The following KMT2E variants were observed in gnomAD, a reference collection of about 807,000 sequenced individuals.
KMT2E encodes the protein lysine methyltransferase 2E (inactive).
In KMT2E, 30 loss-of-function variants were observed where a neutral mutation model predicts 184.6. The ratio of observed to expected loss-of-function variants is 0.16; its 90% CI spans 0.12 to 0.22. KMT2E has a LOEUF of 0.22. Among genes scored for constraint, KMT2E ranks in the 10% least tolerant of loss-of-function variants. The pLI is 1.00. For missense variants in KMT2E, 2,023 were observed against 2,237.4 expected, an observed-to-expected ratio of 0.90 and a Z score of 1.93; for synonymous variants, 815 against 776.5, an observed-to-expected ratio of 1.05 and a Z score of -0.82.
At chr7:105,039,360 A>C (rs554594043) in intron 2 of KMT2E, 95 of 152,352 alleles carry the variant, frequency 6.2e-4, no homozygotes, top group African/African-American at 2.3e-3. Flanking sequence ...AATATCACTC[A>C]GTACTTAAAA....
chr7:105,027,188 C>G (rs192036762), intron 1 of KMT2E, among the ~76,000 whole-genome samples: 1 of 148,644 alleles, frequency 6.7e-6, no homozygotes, highest in Non-Finnish European at 1.5e-5. Flanking sequence ...CTCAAGTGAT[C>G]CTCCCACCTC....
At position 105,090,100 on chromosome 7, in the gene KMT2E, G is replaced by A. The variant is rs368958000; in HGVS notation, c.1450G>A (p.Gly484Ser). The A allele has an allele frequency of 1.9e-6, 3 of 1,613,558 alleles. No individual in the cohort carries two copies. The highest frequency in any genetic ancestry group is 2.5e-6 in the Non-Finnish European group (3 of 1,179,842). The part of the protein sequence containing the change: ...SSESMENINS[G>S]YETRRKKGKK... ...TGAATCCATGGAAAATATCAATAGTGGTTATGAGACCAGACGGAAAAAAGG... is the reference window on the plus strand; with the variant it reads ...TGAATCCATGGAAAATATCAATAGTAGTTATGAGACCAGACGGAAAAAAGG... The change falls in exon 14 of 27, where the codon GGT becomes AGT. Residue 484 changes from glycine to serine, a missense_variant. Transcript: ENST00000311117.
intron 3 of KMT2E, among the ~76,000 whole-genome samples, chr7:105,051,160 T>C (rs112504219): frequency 0.042 from 6,300 of 150,258 alleles, 466 homozygotes; most frequent in African/African-American, 0.15. Flanking sequence ...TTCCTCCCTT[T>C]CTTCCTTCCT....
intron 13 of KMT2E, among the ~76,000 whole-genome samples, chr7:105,082,629 A>G (rs1407510377): frequency 6.6e-6 from 1 of 152,132 alleles, no homozygotes; most frequent in Non-Finnish European, 1.5e-5. Flanking sequence ...CAGGGGTGAC[A>G]GAGGGAGAAG....
chr7:105,050,333 T>TA (rs1477083941), intron 3 of KMT2E, among the ~76,000 whole-genome samples: 1 of 152,244 alleles, frequency 6.6e-6, no homozygotes, highest in Non-Finnish European at 1.5e-5. Context: ...AACTAACCAC[T>TA]ATTGGTCATT....
rs138269472 is a variant in KMT2E at position 105,097,865 on chromosome 7, TGTGA to T, written c.1723-3556_1723-3553del. 2.8e-4 allele frequency among the ~76,000 whole-genome samples: 43 copies of T among 152,288 alleles called. No individual in the cohort carries two copies. In the East Asian group the frequency reaches 8.1e-3, roughly 29 times the overall value. ...ATGGTTCTTACTCATTTAAAAACAATGTGAGTGCTTGCCATTTGAGATATCGGAT... is the reference window on the plus strand; with the variant it reads ...ATGGTTCTTACTCATTTAAAAACAATGTGCTTGCCATTTGAGATATCGGAT... On this transcript the variant is annotated intron_variant, in intron 15 of 26. Coordinates refer to ENST00000311117, the MANE Select transcript of KMT2E (RefSeq NM_182931.3).
chr7:105,109,109 T>C lies in KMT2E; in HGVS notation c.3636T>C (p.Thr1212=). ...SNDNGEQVDH[T]ASLPLPTPAT... ...ACAATGGGGAGCAGGTGGACCACACTGCTAGCCTACCTTTACCAACACCAG... is the reference window on the plus strand; with the variant it reads ...ACAATGGGGAGCAGGTGGACCACACCGCTAGCCTACCTTTACCAACACCAG... Residue 1212 remains threonine (T), a synonymous_variant, in exon 23 of 27, where the codon ACT becomes ACC. Transcript: ENST00000311117. 1 of 1,614,176 alleles carries C rather than the reference T, an allele frequency of 6.2e-7. No homozygotes were observed. The highest frequency in any genetic ancestry group is 1.7e-5 in the Admixed American group (1 of 60,028).
chr7:105,075,907 C>T, intron 8 of KMT2E, 136 bp from the exon 9 acceptor site: 1 of 659,902 alleles, frequency 1.5e-6, no homozygotes, highest in South Asian at 1.7e-5. Flanking sequence ...AAACATTCTC[C>T]TAGTGTCAGC....
chr7:105,050,183 A>G (rs1445620589), intron 3 of KMT2E, among the ~76,000 whole-genome samples: 3 of 152,190 alleles, frequency 2.0e-5, no homozygotes, highest in Admixed American at 1.3e-4. Flanking sequence ...GCACAACACT[A>G]CTATAACCTC....
intron 3 of KMT2E, among the ~76,000 whole-genome samples, chr7:105,060,627 A>G (rs1375411493): frequency 2.6e-5 from 4 of 151,896 alleles, no homozygotes; most frequent in Non-Finnish European, 5.9e-5. Flanking sequence ...CTGTAGAGAA[A>G]GTCTTGCTAT....
chr7:105,040,483 A>G (rs1374122863), intron 2 of KMT2E, among the ~76,000 whole-genome samples: 1 of 152,214 alleles, frequency 6.6e-6, no homozygotes. Context: ...GTAAGTACTC[A>G]GTATTTGGTA....
intron 17 of KMT2E, chr7:105,104,482 G>A (rs1798805227): frequency 6.6e-6 from 1 of 152,220 alleles, no homozygotes; most frequent in Non-Finnish European, 1.5e-5. Flanking sequence ...GAGCCCAGGA[G>A]TTCAAAACCA....
At chr7:105,077,535 T>G (rs1797582321) in intron 11 of KMT2E, 102 bp downstream of exon 11, 1 of 870,490 alleles carries the variant, frequency 1.1e-6, no homozygotes, top group Non-Finnish European at 1.8e-6. Flanking sequence ...TTTTCCTACA[T>G]GATCATTTCA....
At chr7:105,076,865 G>A (rs1009223639) in intron 9 of KMT2E, 98 bp from the exon 10 acceptor site, 24 of 825,234 alleles carry the variant, frequency 2.9e-5, no homozygotes, top group Admixed American at 8.7e-5. Context: ...ATAGATTGCC[G>A]TTAATTTTGT....
Position 105,107,592 on chromosome 7 carries a change from C to T in KMT2E, c.3135C>T (p.Asp1045=), listed in dbSNP as rs1798966917. The T allele has an allele frequency of 1.2e-6, 2 of 1,614,148 alleles. No individual in the cohort carries two copies. The highest frequency in any genetic ancestry group is 2.2e-5 in the East Asian group (1 of 44,878). The change falls in exon 22 of 27, where the codon GAC becomes GAT. Residue 1045 remains aspartate (D), a synonymous_variant. Coordinates refer to ENST00000311117, the MANE Select transcript of KMT2E (RefSeq NM_182931.3). ...AAACCCTGGAAACGCCTGCACATGA[C>T]AGGGCTGAGCCCAACAGCCAACTGG... is the stretch of plus-strand genomic sequence containing the variant. ...LHKTLETPAH[D]RAEPNSQLDS...
intron 15 of KMT2E, 180 bp downstream of exon 15, chr7:105,091,494 T>C (rs1023745104): frequency 1.6e-6 from 1 of 623,878 alleles, no homozygotes; most frequent in African/African-American, 1.8e-5. Flanking sequence ...TGTATTTTTA[T>C]TGGTTGTTCA....
chr7:105,040,699 A>G (rs1425895764), intron 2 of KMT2E, 140 bp from the exon 3 acceptor site: 1 of 309,224 alleles, frequency 3.2e-6, no homozygotes, highest in Non-Finnish European at 5.8e-6. Context: ...ACATAACTCA[A>G]TTCCAGAAAA....
chr7:105,075,693 TA>T (rs1450191805), intron 8 of KMT2E, among the ~76,000 whole-genome samples: 1 of 151,644 alleles, frequency 6.6e-6, no homozygotes. Context: ...TTTTTTTTTT[TA>T]AAGACAGGAT....
At chr7:105,111,791 C>A in intron 26 of KMT2E, 34 bp from the exon 27 acceptor site, 1 of 1,567,970 alleles carries the variant, frequency 6.4e-7, no homozygotes, top group Non-Finnish European at 8.6e-7. Context: ...ACAAAATGTT[C>A]CTTGAATGTA....
Sources: allele counts gnomAD v4.1 joint callset (sites outside exome capture counted in the v4.1 genomes callset), GRCh38; gene constraint gnomAD v4.1.1; transcripts MANE v1.5; gene names NCBI Gene and HGNC (gene_info 2026-07-23, HGNC 2026-07-21).